GRID1: variants seen among roughly 807,000 people sequenced by gnomAD.
GRID1 encodes glutamate ionotropic receptor delta type subunit 1, also known as glutamate receptor ionotropic, delta-1.
GRID1 carries 28 observed loss-of-function variants against 98.0 expected under a neutral mutation model. That is an observed-to-expected ratio of 0.29 (90% CI 0.21 to 0.39). GRID1 has a LOEUF of 0.39. Ranked by LOEUF, GRID1 falls within the 10% of genes least tolerant of loss-of-function variation. The probability of loss-of-function intolerance (pLI) is 1.00; values close to 1 mark genes in which losing one functional copy is unlikely to be tolerated. For missense variants in GRID1, 1,111 were observed against 1,340.5 expected (o/e 0.83, Z 2.67); for synonymous variants, 553 against 538.5 (o/e 1.03, Z -0.37).
chr10:85,879,166 A>G (rs1424652123), intron 5 of GRID1, among the ~76,000 whole-genome samples: 1 of 152,280 alleles, frequency 6.6e-6, no homozygotes, highest in African/African-American at 2.4e-5. Flanking sequence ...CCACACAATA[A>G]TAATGGGAGA....
chr10:86,170,986 C>T (rs1295624436), intron 3 of GRID1, among the ~76,000 whole-genome samples: 2 of 152,122 alleles, frequency 1.3e-5, no homozygotes, highest in Admixed American at 6.5e-5. Flanking sequence ...GCCTTCAGAC[C>T]GCCACCACCC....
intron 8 of GRID1, among the ~76,000 whole-genome samples, chr10:85,790,447 GAGGAGACTGCAGGACAGGCAGATGATGA>G (rs980805709): frequency 3.3e-5 from 5 of 152,254 alleles, no homozygotes; most frequent in Admixed American, 1.3e-4. Context: ...CTGCATCTGT[GAGGAGACTGCAGGACAGGCAGATGATGA>G]AGGAGATTCA....
At chr10:86,278,155 A>C (rs1454159236) in intron 2 of GRID1, among the ~76,000 whole-genome samples, 1 of 152,160 alleles carries the variant, frequency 6.6e-6, no homozygotes, top group Non-Finnish European at 1.5e-5. Flanking sequence ...GATTCAAGGT[A>C]AATGACTCAT....
chr10:86,009,542 T>C (rs1016958896), intron 4 of GRID1, among the ~76,000 whole-genome samples: 15 of 152,172 alleles, frequency 9.9e-5, no homozygotes, highest in East Asian at 3.8e-4. Context: ...CTGTTGAAGA[T>C]GGATAATCGG....
intron 12 of GRID1, among the ~76,000 whole-genome samples, chr10:85,701,154 G>A (rs1448056786): frequency 3.3e-5 from 5 of 152,014 alleles, no homozygotes; most frequent in Non-Finnish European, 7.4e-5. Context: ...AAAAATTAAT[G>A]GGATACAGCA....
chr10:86,138,100 G>C (rs1049543820), intron 4 of GRID1, among the ~76,000 whole-genome samples: 1 of 152,062 alleles, frequency 6.6e-6, no homozygotes, highest in Non-Finnish European at 1.5e-5. Context: ...AACCAACCCA[G>C]GCCAGAGGGA....
At chr10:85,767,165 T>A (rs1418965938) in intron 8 of GRID1, among the ~76,000 whole-genome samples, 1 of 152,238 alleles carries the variant, frequency 6.6e-6, no homozygotes, top group Non-Finnish European at 1.5e-5. Context: ...GCTATTTGTC[T>A]TATGAAAGTT....
At chr10:86,049,794 T>G (rs554487122) in intron 4 of GRID1, among the ~76,000 whole-genome samples, 2 of 152,376 alleles carry the variant, frequency 1.3e-5, no homozygotes, top group South Asian at 4.1e-4. Flanking sequence ...ATATTTGGGC[T>G]CTGCCTGCAA....
intron 3 of GRID1, among the ~76,000 whole-genome samples, chr10:86,154,360 C>A (rs1040007913): frequency 6.6e-6 from 1 of 152,136 alleles, no homozygotes; most frequent in African/African-American, 2.4e-5. Flanking sequence ...AAAACTGGGG[C>A]CTAGAGAGCT....
At chr10:86,266,198 A>T (rs1030121028) in intron 2 of GRID1, among the ~76,000 whole-genome samples, 12 of 151,742 alleles carry the variant, frequency 7.9e-5, no homozygotes, top group Non-Finnish European at 2.9e-5. Context: ...CCTCCTGATA[A>T]CCCATCATCA....
At chr10:85,751,995 C>A (rs1842050844) in intron 8 of GRID1, among the ~76,000 whole-genome samples, 1 of 152,158 alleles carries the variant, frequency 6.6e-6, no homozygotes, top group Admixed American at 6.5e-5. Context: ...CCTACTCTGA[C>A]TAGTCAGGTT....
At chr10:85,653,237 G>A (rs889031568) in intron 12 of GRID1, among the ~76,000 whole-genome samples, 1 of 152,236 alleles carries the variant, frequency 6.6e-6, no homozygotes, top group African/African-American at 2.4e-5. Flanking sequence ...TATGTAACAA[G>A]TGATGAAAAA....
chr10:85,775,614 C>T (rs1842323173), intron 8 of GRID1, among the ~76,000 whole-genome samples: 1 of 152,120 alleles, frequency 6.6e-6, no homozygotes, highest in Non-Finnish European at 1.5e-5. Context: ...TAATGAGATC[C>T]ATCGTAGCCC....
chr10:86,351,387 C>A (rs896380394), intron 2 of GRID1, among the ~76,000 whole-genome samples: 4 of 152,236 alleles, frequency 2.6e-5, no homozygotes, highest in Non-Finnish European at 4.4e-5. Context: ...AGCCACAGGG[C>A]AGGCTGGGGA....
intron 4 of GRID1, among the ~76,000 whole-genome samples, chr10:85,983,606 G>A (rs1164971791): frequency 6.6e-6 from 1 of 152,182 alleles, no homozygotes; most frequent in African/African-American, 2.4e-5. Flanking sequence ...TTCCTTCTGA[G>A]ACCACCCACA....
chr10:86,254,500 G>A (rs1048290885), intron 2 of GRID1, among the ~76,000 whole-genome samples: 1 of 152,354 alleles, frequency 6.6e-6, no homozygotes, highest in Admixed American at 6.5e-5. Context: ...GGTGACGGAT[G>A]CACATAAAAT....
intron 3 of GRID1, among the ~76,000 whole-genome samples, chr10:86,158,614 G>A (rs965202768): frequency 6.6e-6 from 1 of 152,216 alleles, no homozygotes; most frequent in African/African-American, 2.4e-5. Flanking sequence ...TATTCAAAGA[G>A]GCAATCTGGG....
intron 4 of GRID1, among the ~76,000 whole-genome samples, chr10:86,017,334 C>G (rs1047188562): frequency 6.6e-6 from 1 of 152,198 alleles, no homozygotes; most frequent in Non-Finnish European, 1.5e-5. Flanking sequence ...TGTGACCAGG[C>G]ACACAGCAAG....
chr10:85,834,137 G>A (rs181648202), intron 8 of GRID1, among the ~76,000 whole-genome samples: 1 of 152,120 alleles, frequency 6.6e-6, no homozygotes, highest in South Asian at 2.1e-4. Context: ...AATTCAAGAA[G>A]AATTCAAACA....
Sources: gnomAD v4.1 joint callset for allele counts (sites outside exome capture counted in the v4.1 genomes callset) on GRCh38, gnomAD v4.1.1 for gene constraint, MANE v1.5 for transcripts, NCBI Gene and HGNC (gene_info 2026-07-23, HGNC 2026-07-21) for gene names.